The following GSK3B variants were observed in gnomAD, a reference collection of about 807,000 sequenced individuals.
GSK3B encodes the protein glycogen synthase kinase 3 beta, also known as glycogen synthase kinase-3 beta.
In GSK3B, 15 loss-of-function variants were observed where a neutral mutation model predicts 56.4. The ratio of observed to expected loss-of-function variants is 0.27; its 90% CI spans 0.18 to 0.41. The LOEUF is 0.41. Among genes scored for constraint, GSK3B ranks in the 10% least tolerant of loss-of-function variants. GSK3B has a pLI of 1.00. For synonymous variants in GSK3B, 181 were observed against 188.9 expected, an observed-to-expected ratio of 0.96 and a Z score of 0.34; for missense variants, 300 against 513.4, an observed-to-expected ratio of 0.58 and a Z score of 4.02.
At chr3:120,070,935 A>C (rs1341095665) in intron 1 of GSK3B, among the ~76,000 whole-genome samples, 1 of 152,226 alleles carries the variant, frequency 6.6e-6, no homozygotes, top group Non-Finnish European at 1.5e-5. Context: ...GCAGGGACTC[A>C]GACTCCTTGT....
intron 8 of GSK3B, among the ~76,000 whole-genome samples, chr3:119,868,637 C>T (rs553882812): frequency 6.6e-6 from 1 of 152,322 alleles, no homozygotes; most frequent in Non-Finnish European, 1.5e-5. Flanking sequence ...GTAAAAATGT[C>T]CATTTTAAAT....
At chr3:119,838,884 CTTGT>C (rs1304689920) in intron 10 of GSK3B, among the ~76,000 whole-genome samples, 1 of 152,176 alleles carries the variant, frequency 6.6e-6, no homozygotes, top group Non-Finnish European at 1.5e-5. Flanking sequence ...TCTGACAGCT[CTTGT>C]TTTATACTAT....
intron 8 of GSK3B, among the ~76,000 whole-genome samples, chr3:119,867,031 T>C (rs2056192777): frequency 6.6e-6 from 1 of 152,044 alleles, no homozygotes; most frequent in African/African-American, 2.4e-5. Context: ...TCCACAGACA[T>C]GGCTGGGAGG....
chr3:119,886,367 C>A (rs2056435690), intron 7 of GSK3B, among the ~76,000 whole-genome samples: 1 of 151,838 alleles, frequency 6.6e-6, no homozygotes, highest in Non-Finnish European at 1.5e-5. Flanking sequence ...GTCACAATGG[C>A]TAATTAAAAA....
At chr3:119,993,172 C>T (rs116512423) in intron 2 of GSK3B, among the ~76,000 whole-genome samples, 86 of 147,216 alleles carry the variant, frequency 5.8e-4, no homozygotes, top group African/African-American at 1.5e-3. Context: ...AATGCACAAA[C>T]GAGCAGGTAT....
In GSK3B at chr3:119,947,302, C is replaced by T. The variant is rs762056483; in HGVS notation, c.332G>A (p.Arg111Gln). ...ACTGGAGTAGAAGAAATAACGCAAT[C>T]GGACTATGTTACAGTGATCTAGCTT... is the stretch of plus-strand genomic sequence containing the variant. ...MRKLDHCNIVRLRYFFYSSGE... is the reference protein window; with the variant it reads ...MRKLDHCNIVQLRYFFYSSGE... The change falls in exon 3 of 11, where the codon CGA (arginine) becomes CAA (glutamine). Residue 111 changes from arginine to glutamine, a missense_variant. Arg to Gln is a conservative substitution (Grantham distance 43, BLOSUM62 1). Transcript: ENST00000264235. The T allele has an allele frequency of 1.7e-5, 27 of 1,603,808 alleles. No individual in the cohort carries two copies. The highest frequency in any genetic ancestry group is 4.5e-5 in the East Asian group (2 of 44,804).
chr3:120,087,738 GCTAAGAAAA>G (rs1238195305), intron 1 of GSK3B, among the ~76,000 whole-genome samples: 1 of 152,024 alleles, frequency 6.6e-6, no homozygotes, highest in Non-Finnish European at 1.5e-5. Flanking sequence ...AACCAAACAT[GCTAAGAAAA>G]CTATTCAATA....
At chr3:120,055,608 T>C (rs150842189) in intron 1 of GSK3B, among the ~76,000 whole-genome samples, 4 of 152,082 alleles carry the variant, frequency 2.6e-5, no homozygotes, top group Non-Finnish European at 5.9e-5. Flanking sequence ...GGAGAACACA[T>C]CAAGAAAATA....
rs972347264 is a variant in GSK3B at position 120,073,219 on chromosome 3, TA to T, written c.88+20127del. ...GAGACCTCATCTCTACAAAAAAAAT[TA>T]AAAAAAAAAAAAAAAAAAAAAAGCC... On this transcript the variant is annotated intron_variant, in intron 1 of 10. Coordinates refer to ENST00000264235, the MANE Select transcript of GSK3B (RefSeq NM_001146156.2). 7.8e-3 allele frequency among the ~76,000 whole-genome samples: 553 copies of T among 70,616 alleles called. 2 individuals carry two copies. The highest frequency in any genetic ancestry group is 0.023 in the Middle Eastern group (2 of 88). The allele number at this position is 70,616 out of a possible 152,430, so 46.3% of individuals were successfully genotyped here.
chr3:119,904,522 C>T (rs909032717), intron 7 of GSK3B, among the ~76,000 whole-genome samples: 7 of 152,150 alleles, frequency 4.6e-5, no homozygotes, highest in Non-Finnish European at 8.8e-5. Flanking sequence ...TTCAACCATA[C>T]TTGCACACAC....
intron 2 of GSK3B, among the ~76,000 whole-genome samples, chr3:119,958,491 C>T (rs999582588): frequency 6.6e-6 from 1 of 152,040 alleles, no homozygotes; most frequent in African/African-American, 2.4e-5. Context: ...AGCCTGACAA[C>T]ACAGGGAGAT....
At chr3:119,872,077 G>A (rs1355120485) in intron 8 of GSK3B, among the ~76,000 whole-genome samples, 1 of 152,088 alleles carries the variant, frequency 6.6e-6, no homozygotes, top group Non-Finnish European at 1.5e-5. Flanking sequence ...TCGAAAGTGG[G>A]CGGGAAGGCA....
intron 2 of GSK3B, among the ~76,000 whole-genome samples, chr3:119,976,203 G>A (rs1461259974): frequency 6.6e-6 from 1 of 152,046 alleles, no homozygotes; most frequent in Non-Finnish European, 1.5e-5. Context: ...CACTTTATGG[G>A]CCTGTGATTC....
chr3:119,869,240 A>AAAAAAC (rs1553726313), intron 8 of GSK3B, among the ~76,000 whole-genome samples: 7 of 149,254 alleles, frequency 4.7e-5, no homozygotes, highest in Non-Finnish European at 8.9e-5. Context: ...AAAAAAAAAA[A>AAAAAAC]AAAAAACATA....
chr3:119,991,370 C>A (rs775207723), intron 2 of GSK3B, among the ~76,000 whole-genome samples: 3 of 152,154 alleles, frequency 2.0e-5, no homozygotes, highest in Admixed American at 1.3e-4. Flanking sequence ...TAAAATACCA[C>A]TGAAATGAAG....
intron 9 of GSK3B, among the ~76,000 whole-genome samples, chr3:119,854,518 G>A (rs2055989310): frequency 6.6e-6 from 1 of 152,148 alleles, no homozygotes; most frequent in South Asian, 2.1e-4. Context: ...GTGTACCTCT[G>A]GTAGATTTTG....
At chr3:119,958,416 C>T (rs2057237178) in intron 2 of GSK3B, among the ~76,000 whole-genome samples, 1 of 151,976 alleles carries the variant, frequency 6.6e-6, no homozygotes, top group Admixed American at 6.6e-5. Flanking sequence ...GCAGCTCATG[C>T]CTGTAATCCC....
chr3:119,979,469 C>G (rs1408681599), intron 2 of GSK3B, among the ~76,000 whole-genome samples: 1 of 152,062 alleles, frequency 6.6e-6, no homozygotes, highest in Non-Finnish European at 1.5e-5. Context: ...CAGCCCCAAA[C>G]CCCACTCCTC....
chr3:119,960,239 G>A (rs146458905), intron 2 of GSK3B, among the ~76,000 whole-genome samples: 6 of 145,608 alleles, frequency 4.1e-5, no homozygotes, highest in South Asian at 2.3e-4. Flanking sequence ...AAGAAAAAAA[G>A]TTTGGAAATG....
Sources: gnomAD v4.1 joint callset for allele counts (sites outside exome capture counted in the v4.1 genomes callset) on GRCh38, gnomAD v4.1.1 for gene constraint, MANE v1.5 for transcripts, NCBI Gene and HGNC (gene_info 2026-07-23, HGNC 2026-07-21) for gene names.